OPA3: variants seen among roughly 807,000 people sequenced by gnomAD.
OPA3 encodes outer mitochondrial membrane lipid metabolism regulator OPA3.
A neutral mutation model predicts 4.0 loss-of-function variants in OPA3; 6 were observed. The ratio of observed to expected loss-of-function variants is 1.51; its 90% CI spans 0.83 to 2.99. The LOEUF (loss-of-function observed/expected upper bound fraction) is 2.99. Among genes scored for constraint, OPA3 ranks in the 30% most tolerant of loss-of-function variants. OPA3 has a pLI of 0.00. For missense variants in OPA3, 235 were observed against 256.2 expected (o/e 0.92, Z 0.56); for synonymous variants, 105 against 117.1 (o/e 0.90, Z 0.67).
downstream of OPA3, among the ~76,000 whole-genome samples, chr19:45,544,650 C>T (rs1346976135): frequency 4.6e-5 from 7 of 152,074 alleles, no homozygotes; most frequent in East Asian, 1.9e-4. Context: ...CAAAATTAGC[C>T]GGGCGTGGTG....
rs891943207 is a variant in OPA3, at chr19:45,548,709, T to C, written c.*4805A>G. 6.1e-6 allele frequency: 6 copies of C among 982,260 alleles called. No individual in the cohort carries two copies. In the African/African-American group the frequency reaches 7.0e-5, roughly 11 times the overall value. The allele number at this position is 982,260 out of a possible 1,614,324, so 60.8% of individuals were successfully genotyped here. Reference sequence around the variant, plus strand: ...CGCCCTACCAAGGACACTGGGTCCATGTCCCGGTGCGGGACCACCTCAGTG... The same window carrying C: ...CGCCCTACCAAGGACACTGGGTCCACGTCCCGGTGCGGGACCACCTCAGTG... On this transcript the variant is annotated 3_prime_UTR_variant, in exon 2 of 2. Transcript: ENST00000263275.
intron 1 of OPA3, among the ~76,000 whole-genome samples, chr19:45,540,357 A>C (rs1279521614): frequency 1.3e-5 from 2 of 151,488 alleles, no homozygotes; most frequent in Admixed American, 6.6e-5. Context: ...AAAATAAAAC[A>C]AAGGGTGAGT....
At chr19:45,556,704 G>C (rs1238469711) in intron 1 of OPA3, among the ~76,000 whole-genome samples, 1 of 152,178 alleles carries the variant, frequency 6.6e-6, no homozygotes, top group Non-Finnish European at 1.5e-5. Flanking sequence ...AGGAAGGCTT[G>C]GGGAGCTCTG....
At chr19:45,559,793 T>C (rs548826290) in intron 1 of OPA3, among the ~76,000 whole-genome samples, 11 of 151,172 alleles carry the variant, frequency 7.3e-5, no homozygotes, top group Non-Finnish European at 1.3e-4. Flanking sequence ...CCCTGAACCA[T>C]AGGCTGGGTC....
rs1004507033 is a variant in OPA3 at position 45,529,596 on chromosome 19, C to A, written c.143-140G>T. On this transcript the variant is annotated intron_variant, in intron 1 of 1. Transcript: ENST00000323060. ...ACGCGTGCTGGCGGGGACGCCTTAA[C>A]GAAGACAAGTGCAGGCCTCACACCC... 1.1e-5 allele frequency: 11 copies of A among 1,024,480 alleles called. No individual in the cohort carries two copies. In the Admixed American group the frequency reaches 2.4e-4, roughly 22 times the overall value. The allele number at this position is 1,024,480 out of a possible 1,614,324, so 63.5% of individuals were successfully genotyped here. A position where few individuals can be genotyped will look rare whatever the true frequency, so the allele number is the denominator to read the frequency against.
At chr19:45,576,454 C>G (rs758444324) in intron 1 of OPA3, among the ~76,000 whole-genome samples, 1 of 151,806 alleles carries the variant, frequency 6.6e-6, no homozygotes, top group Non-Finnish European at 1.5e-5. Context: ...AGGAGAATCG[C>G]TTGAACCCAG....
intron 1 of OPA3, among the ~76,000 whole-genome samples, chr19:45,555,585 G>A (rs1346958157): frequency 1.3e-5 from 2 of 152,076 alleles, no homozygotes; most frequent in East Asian, 3.9e-4. Context: ...CCGCCACCCG[G>A]GTTCACACCA....
chr19:45,574,452 CT>C (rs1164447826), intron 1 of OPA3, among the ~76,000 whole-genome samples: 6 of 151,898 alleles, frequency 4.0e-5, no homozygotes, highest in Non-Finnish European at 8.8e-5. Context: ...CCCCTGTAGC[CT>C]GTAGTAGCAA....
At chr19:45,533,694 T>A (rs1204844749) in intron 1 of OPA3, among the ~76,000 whole-genome samples, 1 of 152,140 alleles carries the variant, frequency 6.6e-6, no homozygotes, top group Non-Finnish European at 1.5e-5. Flanking sequence ...ATGCAAAGCA[T>A]GGTGAGGTGT....
chr19:45,551,646 A>G lies in OPA3; in HGVS notation c.*1868T>C. 1.1e-6 allele frequency: 1 copy of G among 921,770 alleles called. No individual in the cohort carries two copies. The highest frequency in any genetic ancestry group is 1.3e-6 in the Non-Finnish European group (1 of 771,874). 57.1% of individuals were successfully genotyped at this position (921,770 alleles called of 1,614,324 possible). ...AATTCCTGTTGGACTTAAGCCATCA[A>G]GTTCACCACCCAATGGTGATCTGTT... On this transcript the variant is annotated 3_prime_UTR_variant, in exon 2 of 2. Transcript: ENST00000263275.
At chr19:45,574,329 G>A (rs867969869) in intron 1 of OPA3, among the ~76,000 whole-genome samples, 1 of 151,122 alleles carries the variant, frequency 6.6e-6, no homozygotes, top group Non-Finnish European at 1.5e-5. Context: ...CCCGGGAGGC[G>A]GAGCTTGCAA....
chr19:45,574,056 A>C (rs577782311), intron 1 of OPA3, among the ~76,000 whole-genome samples: 2 of 149,170 alleles, frequency 1.3e-5, no homozygotes, highest in East Asian at 4.0e-4. Context: ...CCAGCTACTC[A>C]GGAAGGCAAA....
At chr19:45,567,967 T>G (rs1969607651) in intron 1 of OPA3, among the ~76,000 whole-genome samples, 1 of 152,152 alleles carries the variant, frequency 6.6e-6, no homozygotes, top group African/African-American at 2.4e-5. Context: ...TCCCCAGATG[T>G]GATCCAGTCA....
At chr19:45,560,141 C>T (rs940439172) in intron 1 of OPA3, among the ~76,000 whole-genome samples, 5 of 152,112 alleles carry the variant, frequency 3.3e-5, no homozygotes, top group Admixed American at 6.6e-5. Context: ...TACATAGAAT[C>T]GTTTTCCGTC....
intron 1 of OPA3, among the ~76,000 whole-genome samples, chr19:45,580,558 G>A (rs1969839044): frequency 1.3e-5 from 2 of 151,988 alleles, no homozygotes; most frequent in Admixed American, 1.3e-4. Flanking sequence ...CTCCCAAAGT[G>A]CTGGGATTAT....
chr19:45,545,181 A>AAAC (rs1555731732), downstream of OPA3, among the ~76,000 whole-genome samples: 2 of 146,040 alleles, frequency 1.4e-5, no homozygotes, highest in Admixed American at 6.8e-5. Context: ...AAAAAAAACA[A>AAAC]AAAAACAAAA....
downstream of OPA3, among the ~76,000 whole-genome samples, chr19:45,545,870 GC>G (rs1411443538): frequency 6.6e-6 from 1 of 151,570 alleles, no homozygotes; most frequent in African/African-American, 2.4e-5. Context: ...GTGCCACCAC[GC>G]CCAGCTAATT....
At chr19:45,576,704 T>A (rs1243953980) in intron 1 of OPA3, among the ~76,000 whole-genome samples, 1 of 152,114 alleles carries the variant, frequency 6.6e-6, no homozygotes, top group Non-Finnish European at 1.5e-5. Context: ...CCTTCCTCCA[T>A]CTTCAAGGCC....
At chr19:45,543,554 T>C (rs1488727862), downstream of OPA3, among the ~76,000 whole-genome samples, 2 of 152,240 alleles carry the variant, frequency 1.3e-5, no homozygotes, top group Middle Eastern at 3.4e-3. Flanking sequence ...TGACCTCAAG[T>C]GATCTGCCCA....
Sources: gnomAD v4.1 joint callset for allele counts (sites outside exome capture counted in the v4.1 genomes callset) on GRCh38, gnomAD v4.1.1 for gene constraint, MANE v1.5 for transcripts, NCBI Gene and HGNC (gene_info 2026-07-23, HGNC 2026-07-21) for gene names.